RNF216: variants seen among roughly 807,000 people sequenced by gnomAD.
RNF216 encodes E3 ubiquitin-protein ligase RNF216.
RNF216 carries 72 observed loss-of-function variants against 110.8 expected under a neutral mutation model. That is an observed-to-expected ratio of 0.65 (90% confidence interval 0.54 to 0.79). RNF216 has a LOEUF of 0.79. Among genes scored for constraint, RNF216 ranks in the 30% least tolerant of loss-of-function variants. RNF216 has a pLI of 0.00. For missense variants in RNF216, 1,342 were observed against 1,141.2 expected, an observed-to-expected ratio of 1.18 and a Z score of -2.54; for synonymous variants, 495 against 407.5, an observed-to-expected ratio of 1.21 and a Z score of -2.59.
At chr7:5,737,089 A>G (rs1387245984) in intron 5 of RNF216, among the ~76,000 whole-genome samples, 2 of 152,252 alleles carry the variant, frequency 1.3e-5, no homozygotes, top group Non-Finnish European at 2.9e-5. Flanking sequence ...AAAAGGGGGA[A>G]ATGTGGGGAA....
chr7:5,742,786 G>A (rs1794835895), intron 3 of RNF216, among the ~76,000 whole-genome samples: 1 of 151,790 alleles, frequency 6.6e-6, no homozygotes, highest in Admixed American at 6.6e-5. Context: ...GTTAGAGACA[G>A]GGTTTTGCCA....
In RNF216 at chr7:5,623,124, C is replaced by G; in HGVS notation, c.2508G>C (p.Gln836His). Residue 836 changes from glutamine to histidine, a missense_variant, in exon 17 of 17, where the codon CAG becomes CAC. Transcript: ENST00000389902. Reference sequence around the variant, plus strand: ...CGGGCCTCGGGAGGGCCTCCACCCTCTGCACCTTCTCCACAGGCTTCTCCA... The same window carrying G: ...CGGGCCTCGGGAGGGCCTCCACCCTGTGCACCTTCTCCACAGGCTTCTCCA... ...PPLEKPVEKV[Q>H]RVEALPRPVP... 1 of 1,599,574 alleles carries G rather than the reference C, an allele frequency of 6.3e-7. No individual in the cohort carries two copies. The highest frequency in any genetic ancestry group is 8.6e-7 in the Non-Finnish European group (1 of 1,169,036).
intron 13 of RNF216, among the ~76,000 whole-genome samples, chr7:5,665,613 G>T (rs1789457080): frequency 6.6e-6 from 1 of 152,038 alleles, no homozygotes; most frequent in Non-Finnish European, 1.5e-5. Flanking sequence ...ACTGCTCTGG[G>T]AGAGACCACA....
intron 14 of RNF216, chr7:5,649,630 A>T (rs2128574502): frequency 6.6e-6 from 1 of 152,270 alleles, no homozygotes; most frequent in African/African-American, 2.4e-5. Context: ...TAAAAAAAAA[A>T]ACACATCACC....
chr7:5,768,543 A>G (rs1796327629), intron 1 of RNF216, among the ~76,000 whole-genome samples: 2 of 152,156 alleles, frequency 1.3e-5, no homozygotes, highest in South Asian at 2.1e-4. Flanking sequence ...AACATTCACA[A>G]AACAGACTGT....
At chr7:5,655,176 G>A (rs1026255657) in intron 13 of RNF216, among the ~76,000 whole-genome samples, 1 of 152,202 alleles carries the variant, frequency 6.6e-6, no homozygotes, top group South Asian at 2.1e-4. Flanking sequence ...GACCTGGCCA[G>A]GCTGGAGCCA....
Position 5,714,994 on chromosome 7 carries a change from G to A in RNF216, c.1833+59C>T. ...GCACTTACACTTATCTATCAACATG[G>A]TCTCCTTAGACTCCAGGAATGTGTC... On this transcript the variant is annotated intron_variant, in intron 11 of 16. Coordinates refer to ENST00000389902, the MANE Select transcript of RNF216 (RefSeq NM_207111.4). 5 of 1,484,292 alleles carry A rather than the reference G, an allele frequency of 3.4e-6. No homozygotes were observed. The South Asian group carries it at 6.6e-5, about 20-fold the overall frequency. 91.9% of individuals were successfully genotyped at this position (1,484,292 alleles called of 1,614,324 possible).
intron 13 of RNF216, among the ~76,000 whole-genome samples, chr7:5,657,681 T>G (rs949522503): frequency 7.9e-5 from 12 of 152,322 alleles, no homozygotes; most frequent in African/African-American, 2.9e-4. Context: ...CACAGGACCG[T>G]GGGCTTCCAG....
At chr7:5,757,431 T>G (rs939989157) in intron 2 of RNF216, among the ~76,000 whole-genome samples, 5 of 152,190 alleles carry the variant, frequency 3.3e-5, no homozygotes, top group African/African-American at 1.2e-4. Flanking sequence ...TGTGTGGCTA[T>G]CTGCATGATG....
chr7:5,760,347 T>C (rs189553217), intron 2 of RNF216: 396 of 257,946 alleles, frequency 1.5e-3, no homozygotes, highest in Admixed American at 2.6e-3. Flanking sequence ...AGAAACCCCA[T>C]CTCTACTAAA....
chr7:5,774,688 G>A (rs1796679699), intron 1 of RNF216, among the ~76,000 whole-genome samples: 1 of 151,734 alleles, frequency 6.6e-6, no homozygotes, highest in African/African-American at 2.4e-5. Flanking sequence ...CAAGTACACA[G>A]GAAATGCAGT....
intron 13 of RNF216, among the ~76,000 whole-genome samples, chr7:5,682,149 C>T (rs1485692605): frequency 1.3e-5 from 2 of 152,208 alleles, no homozygotes; most frequent in African/African-American, 2.4e-5. Flanking sequence ...AAACCGTTGG[C>T]TTTCTTTCCC....
chr7:5,677,571 T>A (rs1051796992), intron 13 of RNF216, among the ~76,000 whole-genome samples: 1 of 152,262 alleles, frequency 6.6e-6, no homozygotes, highest in Admixed American at 6.5e-5. Context: ...CTAAGCACTT[T>A]GGGCTTAACC....
chr7:5,732,809 C>G (rs908920044), intron 5 of RNF216, among the ~76,000 whole-genome samples: 6 of 152,198 alleles, frequency 3.9e-5, no homozygotes, highest in African/African-American at 1.4e-4. Flanking sequence ...CATGTTTGAG[C>G]TGATCTGACA....
intron 13 of RNF216, among the ~76,000 whole-genome samples, chr7:5,682,959 G>A (rs1790753263): frequency 6.6e-6 from 1 of 152,166 alleles, no homozygotes; most frequent in Non-Finnish European, 1.5e-5. Context: ...TCAGGAGCAA[G>A]CATAGGTAAA....
At chr7:5,763,071 CAG>C (rs1012254914) in intron 1 of RNF216, among the ~76,000 whole-genome samples, 81 of 152,042 alleles carry the variant, frequency 5.3e-4, no homozygotes, top group African/African-American at 1.4e-3. Context: ...GGATAGGAAA[CAG>C]AGAAATATTT....
intron 1 of RNF216, among the ~76,000 whole-genome samples, chr7:5,767,749 C>A (rs1299705500): frequency 6.6e-6 from 1 of 152,088 alleles, no homozygotes; most frequent in African/African-American, 2.4e-5. Flanking sequence ...CAGGCACACG[C>A]CACCATGCCC....
intron 13 of RNF216, among the ~76,000 whole-genome samples, chr7:5,675,310 G>A (rs1790211602): frequency 6.6e-6 from 1 of 152,186 alleles, no homozygotes; most frequent in Admixed American, 6.6e-5. Flanking sequence ...AGAGGGGACA[G>A]GCTTTCCTGG....
chr7:5,738,663 G>A (rs1039639439), intron 5 of RNF216, among the ~76,000 whole-genome samples: 2 of 128,962 alleles, frequency 1.6e-5, no homozygotes, highest in Admixed American at 9.5e-5. Context: ...AGCCGAGATC[G>A]CACCACTGGA....
Sources: allele counts gnomAD v4.1 joint callset (sites outside exome capture counted in the v4.1 genomes callset), GRCh38; gene constraint gnomAD v4.1.1; transcripts MANE v1.5; gene names NCBI Gene and HGNC (gene_info 2026-07-23, HGNC 2026-07-21).